The following WWP1 variants were observed in gnomAD, a reference collection of about 807,000 sequenced individuals.
WWP1 encodes WW domain containing E3 ubiquitin protein ligase 1, also known as NEDD4-like E3 ubiquitin-protein ligase WWP1.
WWP1 carries 49 observed loss-of-function variants against 130.6 expected under a neutral mutation model. The observed-to-expected ratio is 0.38, with a 90% confidence interval of 0.30 to 0.48. WWP1 has a LOEUF of 0.48. Among genes scored for constraint, WWP1 ranks in the 20% least tolerant of loss-of-function variants. WWP1 has a pLI of 0.99. For synonymous variants in WWP1, 332 were observed against 367.8 expected, an observed-to-expected ratio of 0.90 and a Z score of 1.11; for missense variants, 809 against 1,100.6, an observed-to-expected ratio of 0.74 and a Z score of 3.75.
intron 2 of WWP1, among the ~76,000 whole-genome samples, chr8:86,370,541 G>A (rs1187028547): frequency 6.6e-6 from 1 of 152,064 alleles, no homozygotes; most frequent in South Asian, 2.1e-4. Context: ...ATTGTTCGTT[G>A]GACAAACTCT....
In WWP1 at chr8:86,411,889, T is replaced by G. The variant is rs749003889; in HGVS notation, c.1061+15T>G. ...TTGCCATCAGGGTATGTTAAGCTTT[T>G]TAATGTCTGACTTGCATTTAAGTAG... On this transcript the variant is annotated intron_variant, in intron 9 of 24. Transcript: ENST00000517970. 1.9e-6 allele frequency: 3 copies of G among 1,576,090 alleles called. No homozygotes were observed. In the Admixed American group the frequency reaches 5.5e-5, roughly 29 times the overall value.
chr8:86,368,588 A>T (rs561407181), intron 1 of WWP1, among the ~76,000 whole-genome samples: 3 of 152,200 alleles, frequency 2.0e-5, no homozygotes, highest in African/African-American at 7.2e-5. Context: ...AACCATCAGG[A>T]TAAACTTTAA....
intron 17 of WWP1, among the ~76,000 whole-genome samples, chr8:86,439,445 T>G (rs950827187): frequency 6.6e-5 from 10 of 152,102 alleles, no homozygotes; most frequent in Non-Finnish European, 1.3e-4. Flanking sequence ...TCCCCCAACC[T>G]TGGTCTCCCA....
At chr8:86,436,620 A>G (rs928568978) in intron 16 of WWP1, among the ~76,000 whole-genome samples, 11 of 152,250 alleles carry the variant, frequency 7.2e-5, no homozygotes, top group African/African-American at 9.6e-5. Flanking sequence ...AGGGTATTCA[A>G]TAAATATTTG....
At chr8:86,427,193 G>GCCAGATGATACTAAAA (rs981452633) in intron 10 of WWP1, among the ~76,000 whole-genome samples, 7 of 151,890 alleles carry the variant, frequency 4.6e-5, no homozygotes, top group African/African-American at 1.7e-4. Context: ...AGAAAGGATA[G>GCCAGATGATACTAAAA]CCAGATGATA....
intron 16 of WWP1, 80 bp downstream of exon 16, chr8:86,435,784 A>AT (rs1810255365): frequency 7.2e-7 from 1 of 1,387,164 alleles, no homozygotes; most frequent in Non-Finnish European, 1.0e-6. Flanking sequence ...GGTTTTAGAG[A>AT]TTTTTAAACC....
intron 8 of WWP1, among the ~76,000 whole-genome samples, chr8:86,409,195 T>C (rs1326826895): frequency 6.6e-6 from 1 of 151,368 alleles, no homozygotes; most frequent in Non-Finnish European, 1.5e-5. Flanking sequence ...GTTTTGTTGC[T>C]GATTTTAATT....
intron 1 of WWP1, chr8:86,343,429 C>G (rs1163479586): frequency 6.6e-6 from 1 of 151,036 alleles, no homozygotes; most frequent in East Asian, 2.0e-4. Context: ...CCCCATCCCC[C>G]GCCCCCCCAG....
intron 1 of WWP1, among the ~76,000 whole-genome samples, chr8:86,353,929 A>G (rs1035680414): frequency 2.0e-5 from 3 of 152,234 alleles, no homozygotes; most frequent in African/African-American, 7.2e-5. Flanking sequence ...CGTATATATT[A>G]TACTTGGGAA....
At chr8:86,391,943 A>T (rs1052494858) in intron 5 of WWP1, among the ~76,000 whole-genome samples, 7 of 152,196 alleles carry the variant, frequency 4.6e-5, no homozygotes, top group African/African-American at 7.2e-5. Context: ...TTACCATTGT[A>T]AGCCGTTTTT....
At chr8:86,406,501 A>T (rs71525046) in intron 8 of WWP1, among the ~76,000 whole-genome samples, 1 of 152,230 alleles carries the variant, frequency 6.6e-6, no homozygotes, top group African/African-American at 2.4e-5. Flanking sequence ...TTATAAATAA[A>T]CAGAAAGTTG....
At chr8:86,369,604 C>T (rs1824169144) in intron 2 of WWP1, among the ~76,000 whole-genome samples, 1 of 152,150 alleles carries the variant, frequency 6.6e-6, no homozygotes, top group Admixed American at 6.5e-5. Flanking sequence ...TAAGATTCTT[C>T]TCAAATAAGT....
intron 18 of WWP1, among the ~76,000 whole-genome samples, chr8:86,444,790 A>G (rs780062997): frequency 1.3e-5 from 2 of 152,190 alleles, no homozygotes; most frequent in African/African-American, 4.8e-5. Flanking sequence ...ACAAGGAATC[A>G]TAGAGAATTG....
chr8:86,424,697 C>T (rs556443018), intron 9 of WWP1, among the ~76,000 whole-genome samples: 9 of 151,568 alleles, frequency 5.9e-5, no homozygotes, highest in East Asian at 3.9e-4. Flanking sequence ...CGCAGGCACT[C>T]GGCAGGCTGA....
intron 3 of WWP1, among the ~76,000 whole-genome samples, chr8:86,375,629 G>A (rs1314693323): frequency 2.0e-5 from 3 of 151,750 alleles, no homozygotes; most frequent in Non-Finnish European, 1.5e-5. Flanking sequence ...TCATCATTGC[G>A]CCATATCCTG....
chr8:86,461,539 A>G (rs1367054428), intron 23 of WWP1: 7 of 625,198 alleles, frequency 1.1e-5, no homozygotes, highest in African/African-American at 3.7e-5. Flanking sequence ...TTTGCTCCCT[A>G]TGGTGACTGT....
intron 3 of WWP1, among the ~76,000 whole-genome samples, chr8:86,374,526 T>C (rs1333409877): frequency 6.6e-6 from 1 of 152,174 alleles, no homozygotes. Flanking sequence ...ATGAATTTAG[T>C]TATTTCTAGG....
chr8:86,379,721 C>G (rs1002404464), intron 3 of WWP1, among the ~76,000 whole-genome samples: 10 of 152,190 alleles, frequency 6.6e-5, no homozygotes, highest in Non-Finnish European at 1.2e-4. Context: ...GCAAATACTA[C>G]TTCTTTTCGA....
intron 5 of WWP1, among the ~76,000 whole-genome samples, chr8:86,396,263 T>C (rs1273109218): frequency 1.3e-5 from 2 of 152,110 alleles, no homozygotes; most frequent in African/African-American, 4.8e-5. Flanking sequence ...CATGCCCAGC[T>C]AATTTTTTTG....
Sources: gnomAD v4.1 joint callset for allele counts (sites outside exome capture counted in the v4.1 genomes callset) on GRCh38, gnomAD v4.1.1 for gene constraint, MANE v1.5 for transcripts, NCBI Gene and HGNC (gene_info 2026-07-23, HGNC 2026-07-21) for gene names.